Variants in ADGRB3 observed in about 807,000 individuals in gnomAD.
The protein encoded by ADGRB3 is adhesion G protein-coupled receptor B3.
In ADGRB3, 37 loss-of-function variants were observed where a neutral mutation model predicts 193.4. The observed-to-expected ratio is 0.19, with a 90% confidence interval of 0.15 to 0.25. The LOEUF (loss-of-function observed/expected upper bound fraction) is 0.25. ADGRB3 is among the 10% of genes least tolerant of loss of function. The pLI is 1.00. For missense variants in ADGRB3, 1,637 were observed against 1,852.9 expected (o/e 0.88, Z 2.14); for synonymous variants, 690 against 644.2 (o/e 1.07, Z -1.08).
At chr6:68,900,323 T>C (rs1208625384) in intron 3 of ADGRB3, among the ~76,000 whole-genome samples, 1 of 152,134 alleles carries the variant, frequency 6.6e-6, no homozygotes, top group African/African-American at 2.4e-5. Context: ...TATTGCTGCA[T>C]AACCAGAAGC....
At chr6:68,876,073 T>C (rs1044095872) in intron 3 of ADGRB3, among the ~76,000 whole-genome samples, 11 of 152,128 alleles carry the variant, frequency 7.2e-5, no homozygotes, top group Admixed American at 6.5e-4. Flanking sequence ...TACTCTTAAT[T>C]TTAAATATAA....
Position 68,684,387 on chromosome 6 carries a change from TTA to T in ADGRB3, c.757+44956_757+44957del, listed in dbSNP as rs1272948516. On this transcript the variant is annotated intron_variant, in intron 3 of 31. Transcript: ENST00000370598. ...TTGTTACAGTTTAAACTATACTTTT[TTA>T]AAGCTCAATTTCCATCTTTTTATAA... Among the ~76,000 whole-genome samples the T allele has an allele frequency of 2.0e-5, 3 of 152,206 alleles. No individual in the cohort carries two copies. The East Asian group carries it at 5.8e-4, about 29-fold the overall frequency.
At chr6:69,331,477 A>C in intron 23 of ADGRB3, 2 of 949,588 alleles carry the variant, frequency 2.1e-6, no homozygotes, top group Non-Finnish European at 2.5e-6. Flanking sequence ...TCATTCAAAA[A>C]ATTGGAAGGT....
intron 17 of ADGRB3, among the ~76,000 whole-genome samples, chr6:69,119,536 C>T (rs975845399): frequency 6.6e-6 from 1 of 152,164 alleles, no homozygotes. Flanking sequence ...GTCAGCATAA[C>T]ACTCACTGAG....
At chr6:68,753,058 G>A (rs1766232270) in intron 3 of ADGRB3, among the ~76,000 whole-genome samples, 1 of 152,096 alleles carries the variant, frequency 6.6e-6, no homozygotes, top group South Asian at 2.1e-4. Flanking sequence ...CTGAATATAG[G>A]ACACCACATC....
chr6:69,172,381 C>T lies in ADGRB3; in HGVS notation c.2481-60909C>T, dbSNP rs539650140. 1.3e-4 allele frequency among the ~76,000 whole-genome samples: 19 copies of T among 151,908 alleles called. No individual in the cohort carries two copies. The South Asian group carries it at 2.7e-3, about 22-fold the overall frequency. Reference sequence around the variant, plus strand: ...TAAACAGGCCAGGCGCAGTGGCTCACGCCTGTAATCCCAGCACTTTGGGAG... The same window carrying T: ...TAAACAGGCCAGGCGCAGTGGCTCATGCCTGTAATCCCAGCACTTTGGGAG... On this transcript the variant is annotated intron_variant, in intron 17 of 31. Coordinates refer to ENST00000370598, the MANE Select transcript of ADGRB3 (RefSeq NM_001704.3).
chr6:68,976,982 G>T (rs1768768977), intron 10 of ADGRB3, among the ~76,000 whole-genome samples: 1 of 148,576 alleles, frequency 6.7e-6, no homozygotes, highest in South Asian at 2.1e-4. Context: ...TAAACATAAA[G>T]TTTTATATTT....
intron 13 of ADGRB3, among the ~76,000 whole-genome samples, chr6:69,040,307 C>CTCTTTCTTTCTTTCTCTT (rs1770993829): frequency 1.1e-5 from 1 of 94,758 alleles, no homozygotes; most frequent in African/African-American, 4.5e-5. Flanking sequence ...CTTTCTCTGT[C>CTCTTTCTTTCTTTCTCTT]TCTTTCTTTC....
intron 3 of ADGRB3, among the ~76,000 whole-genome samples, chr6:68,809,083 A>T (rs1347463696): frequency 5.5e-5 from 7 of 126,918 alleles, no homozygotes; most frequent in South Asian, 2.5e-4. Flanking sequence ...TTTAAAAAAA[A>T]TTTTTTTGCA....
intron 17 of ADGRB3, among the ~76,000 whole-genome samples, chr6:69,147,959 T>C (rs987689143): frequency 1.5e-4 from 23 of 152,280 alleles, no homozygotes; most frequent in African/African-American, 5.5e-4. Context: ...ACTCCTTCTC[T>C]TTTTTAGTTT....
At chr6:69,264,841 G>A (rs1405301769) in intron 20 of ADGRB3, among the ~76,000 whole-genome samples, 1 of 151,742 alleles carries the variant, frequency 6.6e-6, no homozygotes, top group Non-Finnish European at 1.5e-5. Flanking sequence ...ATACTCTCAG[G>A]GTTTTGTTCA....
At chr6:68,925,385 T>G (rs1328031423) in intron 3 of ADGRB3, among the ~76,000 whole-genome samples, 2 of 152,020 alleles carry the variant, frequency 1.3e-5, no homozygotes, top group Non-Finnish European at 2.9e-5. Flanking sequence ...TTTATATTCC[T>G]GCCTAAATAT....
rs537212510 is a variant in ADGRB3 at position 68,699,717 on chromosome 6, G to A, written c.757+60285G>A. ...TAATAAGCTGGGGAAATTTGATTGC[G>A]CATCACCACCGAGAGCAGTTCGACC... is the stretch of plus-strand genomic sequence containing the variant. On this transcript the variant is annotated intron_variant, in intron 3 of 31. Transcript: ENST00000370598. Among the ~76,000 whole-genome samples the A allele has an allele frequency of 1.3e-4, 19 of 144,388 alleles. No individual in the cohort carries two copies. In the South Asian group the frequency reaches 3.7e-3, roughly 28 times the overall value. The allele number at this position is 144,388 out of a possible 152,430, so 94.7% of individuals were successfully genotyped here. A position where few individuals can be genotyped will look rare whatever the true frequency, so the allele number is the denominator to read the frequency against.
intron 17 of ADGRB3, among the ~76,000 whole-genome samples, chr6:69,091,033 GA>G (rs1279816550): frequency 6.6e-6 from 1 of 152,086 alleles, no homozygotes; most frequent in Non-Finnish European, 1.5e-5. Flanking sequence ...ATAATCATAT[GA>G]AAAAAGGTTC....
chr6:69,358,936 T>TA (rs1301923508), intron 28 of ADGRB3, among the ~76,000 whole-genome samples: 2 of 140,386 alleles, frequency 1.4e-5, no homozygotes, highest in East Asian at 2.2e-4. Context: ...TATATATATA[T>TA]TTTTTTTCAG....
intron 3 of ADGRB3, among the ~76,000 whole-genome samples, chr6:68,919,016 A>T (rs984823773): frequency 6.6e-6 from 1 of 151,654 alleles, no homozygotes; most frequent in Admixed American, 6.6e-5. Flanking sequence ...TTTTCTGGAC[A>T]TGTCTTTTTT....
intron 29 of ADGRB3, among the ~76,000 whole-genome samples, chr6:69,367,756 C>T (rs1227728955): frequency 6.6e-6 from 1 of 151,848 alleles, no homozygotes; most frequent in East Asian, 1.9e-4. Context: ...AAATGTCCAA[C>T]AATGATAGAC....
intron 3 of ADGRB3, among the ~76,000 whole-genome samples, chr6:68,685,485 G>T (rs542994469): frequency 9.6e-4 from 146 of 151,866 alleles, no homozygotes; most frequent in Non-Finnish European, 2.0e-3. Flanking sequence ...GGGAAGGAAA[G>T]AACCAAAAAT....
At chr6:69,354,383 A>G in intron 27 of ADGRB3, 55 bp downstream of exon 27, 1 of 1,448,194 alleles carries the variant, frequency 6.9e-7, no homozygotes, top group East Asian at 2.3e-5. Context: ...TCAAGGGAAT[A>G]AAAGAAATCC....
Sources: allele counts gnomAD v4.1 joint callset (sites outside exome capture counted in the v4.1 genomes callset), GRCh38; gene constraint gnomAD v4.1.1; transcripts MANE v1.5; gene names NCBI Gene and HGNC (gene_info 2026-07-23, HGNC 2026-07-21).